NKAIN3: variants seen among roughly 807,000 people sequenced by gnomAD.
NKAIN3 encodes sodium/potassium-transporting ATPase subunit beta-1-interacting protein 3.
A neutral mutation model predicts 30.2 loss-of-function variants in NKAIN3; 25 were observed. The ratio of observed to expected loss-of-function variants is 0.83; its 90% CI spans 0.60 to 1.16. The LOEUF (loss-of-function observed/expected upper bound fraction) is 1.16. Among genes scored for constraint, NKAIN3 ranks in the 50% most tolerant of loss-of-function variants. NKAIN3 has a pLI of 0.00. For missense variants in NKAIN3, 225 were observed against 254.1 expected (o/e 0.89, Z 0.78); for synonymous variants, 91 against 89.6 (o/e 1.02, Z -0.09).
chr8:62,831,634 G>A (rs1055445400), intron 4 of NKAIN3, among the ~76,000 whole-genome samples: 2 of 152,038 alleles, frequency 1.3e-5, no homozygotes, highest in African/African-American at 4.8e-5. Context: ...GAATTTCAGA[G>A]CTTGAAGACT....
At chr8:62,836,580 C>T (rs558209428) in intron 4 of NKAIN3, among the ~76,000 whole-genome samples, 7 of 152,164 alleles carry the variant, frequency 4.6e-5, no homozygotes, top group African/African-American at 1.7e-4. Context: ...TTTAACAAAA[C>T]CAGAAGACAA....
At chr8:62,269,235 A>T (rs1051964752) in intron 1 of NKAIN3, among the ~76,000 whole-genome samples, 1 of 152,216 alleles carries the variant, frequency 6.6e-6, no homozygotes, top group African/African-American at 2.4e-5. Context: ...ATATATCAAT[A>T]GCACTGTGCC....
intron 1 of NKAIN3, among the ~76,000 whole-genome samples, chr8:62,542,606 C>G (rs1220255067): frequency 6.6e-6 from 1 of 151,838 alleles, no homozygotes; most frequent in Non-Finnish European, 1.5e-5. Flanking sequence ...ATCCCAAGTC[C>G]AACAAGGTAA....
intron 3 of NKAIN3, among the ~76,000 whole-genome samples, chr8:62,667,842 C>A (rs541883465): frequency 6.6e-6 from 1 of 152,290 alleles, no homozygotes; most frequent in African/African-American, 2.4e-5. Context: ...CTCCAACTTG[C>A]CTCTTTTACA....
At chr8:62,886,669 A>G (rs1052053842) in intron 4 of NKAIN3, among the ~76,000 whole-genome samples, 2 of 151,890 alleles carry the variant, frequency 1.3e-5, no homozygotes, top group African/African-American at 4.8e-5. Context: ...TCTCTTTTTA[A>G]TTTTACTTTA....
chr8:62,363,417 A>G (rs1168935346), intron 1 of NKAIN3, among the ~76,000 whole-genome samples: 3 of 152,082 alleles, frequency 2.0e-5, no homozygotes, highest in Non-Finnish European at 4.4e-5. Flanking sequence ...GTAGGTAGCT[A>G]CCTAACAACG....
chr8:62,416,962 G>A (rs1015261007), intron 1 of NKAIN3, among the ~76,000 whole-genome samples: 1 of 151,812 alleles, frequency 6.6e-6, no homozygotes, highest in Non-Finnish European at 1.5e-5. Flanking sequence ...ACTGCACTCA[G>A]TCTGGGTGAC....
intron 1 of NKAIN3, among the ~76,000 whole-genome samples, chr8:62,368,318 T>C (rs1816800908): frequency 6.6e-6 from 1 of 152,132 alleles, no homozygotes; most frequent in Non-Finnish European, 1.5e-5. Context: ...TATGAAGCTA[T>C]AATAATCCAA....
rs1484333046 is a variant in NKAIN3, at chr8:62,984,824, G to A, written c.*19417G>A. On this transcript the variant is annotated 3_prime_UTR_variant, in exon 7 of 7. Transcript: ENST00000623646. The stretch of plus-strand genomic sequence containing the variant: ...TTTTTTATGTCTCTCTGGACCCTTT[G>A]ATTCTAAGTAAATTTACAGTAAGTT... 6.6e-6 allele frequency: 1 copy of A among 152,060 alleles called. No homozygotes were observed. The highest frequency in any genetic ancestry group is 1.5e-5 in the Non-Finnish European group (1 of 68,004). 9.4% of individuals were successfully genotyped at this position (152,060 alleles called of 1,614,324 possible).
chr8:62,544,958 AT>A (rs1808960983), intron 1 of NKAIN3, among the ~76,000 whole-genome samples: 1 of 152,220 alleles, frequency 6.6e-6, no homozygotes, highest in Non-Finnish European at 1.5e-5. Flanking sequence ...CATAAGGAAG[AT>A]AAAATATAAT....
At chr8:62,308,563 C>G (rs182570731) in intron 1 of NKAIN3, among the ~76,000 whole-genome samples, 1 of 150,620 alleles carries the variant, frequency 6.6e-6, no homozygotes, top group Admixed American at 6.6e-5. Context: ...ATTGCATCAT[C>G]TTGGGAAAAG....
chr8:62,827,122 G>C (rs895153941), intron 4 of NKAIN3, among the ~76,000 whole-genome samples: 1 of 152,206 alleles, frequency 6.6e-6, no homozygotes, highest in Admixed American at 6.5e-5. Flanking sequence ...TCAATAAAGA[G>C]ATAGGAGCTT....
At chr8:62,768,161 C>T (rs892177596) in intron 4 of NKAIN3, among the ~76,000 whole-genome samples, 7 of 152,124 alleles carry the variant, frequency 4.6e-5, no homozygotes, top group Non-Finnish European at 1.0e-4. Flanking sequence ...TTTTGTGCCT[C>T]TACATTCAAA....
chr8:62,708,397 C>A (rs188778228), intron 3 of NKAIN3, among the ~76,000 whole-genome samples: 242 of 152,192 alleles, frequency 1.6e-3, no homozygotes, highest in Non-Finnish European at 8.1e-4. Context: ...TCTATGATTT[C>A]TTTCAGCAGT....
At chr8:62,281,953 C>T (rs577507648) in intron 1 of NKAIN3, among the ~76,000 whole-genome samples, 3 of 151,776 alleles carry the variant, frequency 2.0e-5, no homozygotes, top group Admixed American at 6.6e-5. Context: ...CATCTCATGT[C>T]CTGTCACTTC....
intron 1 of NKAIN3, among the ~76,000 whole-genome samples, chr8:62,379,155 G>A (rs1432670649): frequency 6.6e-6 from 1 of 152,190 alleles, no homozygotes; most frequent in African/African-American, 2.4e-5. Flanking sequence ...GGACTTACAT[G>A]GGGCCTGTAG....
chr8:62,658,373 C>T (rs958475550), intron 3 of NKAIN3, among the ~76,000 whole-genome samples: 4 of 152,214 alleles, frequency 2.6e-5, no homozygotes, highest in Admixed American at 6.5e-5. Flanking sequence ...TTTAGGAAAC[C>T]GGGACAATCA....
intron 3 of NKAIN3, among the ~76,000 whole-genome samples, chr8:62,594,090 T>G (rs1810744611): frequency 6.6e-6 from 1 of 151,948 alleles, no homozygotes; most frequent in East Asian, 1.9e-4. Flanking sequence ...TTAAAAAAAC[T>G]TTGGGGTTTT....
intron 1 of NKAIN3, among the ~76,000 whole-genome samples, chr8:62,573,818 T>A (rs1810022493): frequency 6.6e-6 from 1 of 152,168 alleles, no homozygotes; most frequent in African/African-American, 2.4e-5. Flanking sequence ...TTGCAATGTG[T>A]GATAATCACA....
Sources: gnomAD v4.1 joint callset for allele counts (sites outside exome capture counted in the v4.1 genomes callset) on GRCh38, gnomAD v4.1.1 for gene constraint, MANE v1.5 for transcripts, NCBI Gene and HGNC (gene_info 2026-07-23, HGNC 2026-07-21) for gene names.